The following FAF2 variants were observed in gnomAD, a reference collection of about 807,000 sequenced individuals.
FAF2 encodes the protein FAS-associated factor 2.
FAF2 carries 9 observed loss-of-function variants against 62.3 expected under a neutral mutation model. That is an observed-to-expected ratio of 0.14 (90% CI 0.09 to 0.25). The LOEUF (loss-of-function observed/expected upper bound fraction) is 0.25, where lower values mean the gene tolerates loss of function less well. Among genes scored for constraint, FAF2 ranks in the 10% least tolerant of loss-of-function variants. The pLI, the probability that FAF2 is intolerant of heterozygous loss-of-function variation, is 1.00. For missense variants in FAF2, 368 were observed against 556.2 expected, an observed-to-expected ratio of 0.66 and a Z score of 3.40; for synonymous variants, 202 against 198.0, an observed-to-expected ratio of 1.02 and a Z score of -0.17.
intron 1 of FAF2, among the ~76,000 whole-genome samples, chr5:176,477,107 C>A (rs796342531): frequency 8.1e-6 from 1 of 122,876 alleles, no homozygotes; most frequent in Non-Finnish European, 1.6e-5. Context: ...CGTGCCCGGC[C>A]TTTTTTTTTT....
chr5:176,475,387 T>C (rs895402321), intron 1 of FAF2, among the ~76,000 whole-genome samples: 1 of 152,110 alleles, frequency 6.6e-6, no homozygotes, highest in African/African-American at 2.4e-5. Flanking sequence ...CCACCTTGGC[T>C]TCCCACAGTG....
chr5:176,499,986 G>C lies in FAF2; in HGVS notation c.1012-17G>C. On this transcript the variant is annotated splice_polypyrimidine_tract_variant and intron_variant, in intron 9 of 10. Coordinates refer to ENST00000261942, the MANE Select transcript of FAF2 (RefSeq NM_014613.3). ...TTTCTTGAGCTGTAGCCTCACCTTT[G>C]CTTTGTGTCTCTGCAGAATTTACAG... 2 of 1,613,802 alleles carry C rather than the reference G, an allele frequency of 1.2e-6. No homozygotes were observed. Among genetic ancestry groups the C allele is most frequent in the Non-Finnish European group, 1.7e-6 (2 of 1,179,882 alleles).
chr5:176,449,745 G>A (rs1758132632), intron 1 of FAF2, among the ~76,000 whole-genome samples: 1 of 152,226 alleles, frequency 6.6e-6, no homozygotes. Flanking sequence ...TATAAAATGT[G>A]TAAATATTCA....
intron 1 of FAF2, among the ~76,000 whole-genome samples, chr5:176,467,453 C>T (rs943810767): frequency 3.9e-5 from 6 of 152,176 alleles, no homozygotes; most frequent in Non-Finnish European, 7.4e-5. Context: ...GCCTCAGCCA[C>T]CCGAGTAGCT....
chr5:176,476,477 A>C (rs1436921323), intron 1 of FAF2, among the ~76,000 whole-genome samples: 1 of 152,158 alleles, frequency 6.6e-6, no homozygotes, highest in African/African-American at 2.4e-5. Flanking sequence ...CAGAGAACTT[A>C]CATTACACCC....
At chr5:176,457,653 GGTGTGTGT>G (rs34549094) in intron 1 of FAF2, among the ~76,000 whole-genome samples, 6 of 149,986 alleles carry the variant, frequency 4.0e-5, no homozygotes, top group African/African-American at 1.5e-4. Flanking sequence ...TGTTTTCAGG[GGTGTGTGT>G]GTGTGTGTGT....
At position 176,509,960 on chromosome 5, in the gene FAF2, G is replaced by T. The variant is rs758420173; in HGVS notation, c.*3010G>T. 1 of 152,652 alleles carries T rather than the reference G, an allele frequency of 6.6e-6. No individual in the cohort carries two copies. The highest frequency in any genetic ancestry group is 1.5e-5 in the Non-Finnish European group (1 of 68,044). 9.5% of individuals were successfully genotyped at this position (152,652 alleles called of 1,614,324 possible). On this transcript the variant is annotated 3_prime_UTR_variant, in exon 11 of 11. Coordinates refer to ENST00000261942, the MANE Select transcript of FAF2 (RefSeq NM_014613.3). ...GATGCAGTGCCCCAACTTGTACTGC[G>T]CCTGAATAGTCATGTGATAATTTAC...
At chr5:176,492,405 ACTGATCATGTCCTTCTTGTAC>A in intron 5 of FAF2, 73 bp downstream of exon 5, 1 of 1,462,172 alleles carries the variant, frequency 6.8e-7, no homozygotes, top group Non-Finnish European at 9.1e-7. Context: ...ACAGCCCAGC[ACTGATCATGTCCTTCTTGTAC>A]TCAAAAACCT....
intron 1 of FAF2, among the ~76,000 whole-genome samples, chr5:176,451,412 A>G (rs1032111473): frequency 5.3e-5 from 8 of 152,024 alleles, no homozygotes; most frequent in African/African-American, 1.7e-4. Context: ...GAGTCTTGCT[A>G]TGTTGTCCAG....
chr5:176,452,435 G>A (rs976916259), intron 1 of FAF2, among the ~76,000 whole-genome samples: 17 of 152,126 alleles, frequency 1.1e-4, no homozygotes, highest in African/African-American at 3.9e-4. Flanking sequence ...AATCCTTACA[G>A]CAGTTTACAA....
At chr5:176,491,313 G>A (rs1299294302) in intron 4 of FAF2, among the ~76,000 whole-genome samples, 2 of 152,028 alleles carry the variant, frequency 1.3e-5, no homozygotes, top group Non-Finnish European at 2.9e-5. Context: ...ATACAAATAG[G>A]GTAGGCCCTT....
Position 176,470,179 on chromosome 5 carries a change from G to GA in FAF2, c.64-9007dup, listed in dbSNP as rs1431924041. Among the ~76,000 whole-genome samples, 6 of 152,200 alleles carry GA rather than the reference G, an allele frequency of 3.9e-5. No homozygotes were observed. In the East Asian group the frequency reaches 1.2e-3, roughly 29 times the overall value. ...CCTAAACCTTTCCTTGGAGTGTGGGGAACTAGAAGGAAATTTGTAAATGTA... is the reference window on the plus strand; with the variant it reads ...CCTAAACCTTTCCTTGGAGTGTGGGGAAACTAGAAGGAAATTTGTAAATGTA... On this transcript the variant is annotated intron_variant, in intron 1 of 10. Transcript: ENST00000261942.
At chr5:176,503,486 C>A (rs143200393) in intron 10 of FAF2, among the ~76,000 whole-genome samples, 1 of 149,142 alleles carries the variant, frequency 6.7e-6, no homozygotes, top group Admixed American at 6.8e-5. Flanking sequence ...ACCTGGGAGG[C>A]GGAGGTTGCA....
chr5:176,454,951 T>G, intron 1 of FAF2, among the ~76,000 whole-genome samples: 1 of 152,234 alleles, frequency 6.6e-6, no homozygotes, highest in African/African-American at 2.4e-5. Context: ...GTGTGCTGGT[T>G]ATGTTTGTCA....
In FAF2 at chr5:176,492,176, T is replaced by A. The variant is rs1224683549; in HGVS notation, c.345-18T>A. 6.2e-7 allele frequency: 1 copy of A among 1,614,010 alleles called. No homozygotes were observed. On this transcript the variant is annotated intron_variant, in intron 4 of 10. Transcript: ENST00000261942. The stretch of plus-strand genomic sequence containing the variant: ...GTAGTAAGCTGGATTCATGTGATAT[T>A]TATTCCTTCCTCCCCAGGTTTGCTC...
intron 1 of FAF2, among the ~76,000 whole-genome samples, chr5:176,451,825 T>C (rs13181272): frequency 1.5e-4 from 7 of 47,746 alleles, no homozygotes; most frequent in East Asian, 5.4e-4. Context: ...CATATATATA[T>C]ATACATATAT....
intron 1 of FAF2, among the ~76,000 whole-genome samples, chr5:176,465,512 C>T (rs915184193): frequency 6.6e-6 from 1 of 151,430 alleles, no homozygotes; most frequent in Non-Finnish European, 1.5e-5. Context: ...AGATTGCAGG[C>T]ACCTGCCACC....
chr5:176,465,578 G>A (rs1758453286), intron 1 of FAF2, among the ~76,000 whole-genome samples: 1 of 152,178 alleles, frequency 6.6e-6, no homozygotes, highest in South Asian at 2.1e-4. Flanking sequence ...TGTTGGCCAG[G>A]CTGGTCTCAA....
chr5:176,492,140 C>G, intron 4 of FAF2, 54 bp from the exon 5 acceptor site: 1 of 1,609,674 alleles, frequency 6.2e-7, no homozygotes, highest in Admixed American at 1.7e-5. Flanking sequence ...TTGGCCCACT[C>G]GATATGCACT....
Sources: allele counts gnomAD v4.1 joint callset (sites outside exome capture counted in the v4.1 genomes callset), GRCh38; gene constraint gnomAD v4.1.1; transcripts MANE v1.5; gene names NCBI Gene and HGNC (gene_info 2026-07-23, HGNC 2026-07-21).